NUP210: variants seen among roughly 807,000 people sequenced by gnomAD.
NUP210 encodes the protein nuclear pore membrane glycoprotein 210.
NUP210 carries 151 observed loss-of-function variants against 196.0 expected under a neutral mutation model. The ratio of observed to expected loss-of-function variants is 0.77; its 90% CI spans 0.67 to 0.88. The LOEUF (loss-of-function observed/expected upper bound fraction) is 0.88. Ranked by LOEUF, NUP210 falls within the 40% of genes least tolerant of loss-of-function variation. The pLI, the probability that NUP210 is intolerant of heterozygous loss-of-function variation, is 0.00. For missense variants in NUP210, 2,314 were observed against 2,493.7 expected, an observed-to-expected ratio of 0.93 and a Z score of 1.53; for synonymous variants, 1,070 against 1,052.7, an observed-to-expected ratio of 1.02 and a Z score of -0.32.
chr3:13,373,663 G>T, intron 12 of NUP210, 55 bp downstream of exon 12: 1 of 1,585,828 alleles, frequency 6.3e-7, no homozygotes, highest in Non-Finnish European at 8.7e-7. Context: ...CAGAGGGGGC[G>T]GCTGGAGACC....
chr3:13,371,696 G>A, intron 13 of NUP210, 138 bp downstream of exon 13: 2 of 766,746 alleles, frequency 2.6e-6, no homozygotes, highest in Non-Finnish European at 4.3e-6. Flanking sequence ...TGGATCAGGA[G>A]ACAACTGCCA....
chr3:13,371,750 G>T, intron 13 of NUP210, 84 bp downstream of exon 13: 1 of 1,280,332 alleles, frequency 7.8e-7, no homozygotes, highest in Non-Finnish European at 1.1e-6. Flanking sequence ...CCCTCTCTTT[G>T]GGAATCTGGC....
intron 1 of NUP210, among the ~76,000 whole-genome samples, chr3:13,406,202 G>A (rs1236706396): frequency 6.6e-6 from 1 of 152,162 alleles, no homozygotes; most frequent in Non-Finnish European, 1.5e-5. Context: ...GAGGGGAACC[G>A]AGCCCTGCAA....
At chr3:13,399,592 G>T in intron 2 of NUP210, 133 bp downstream of exon 2, 1 of 1,215,192 alleles carries the variant, frequency 8.2e-7, no homozygotes, top group Non-Finnish European at 1.2e-6. Flanking sequence ...CCTGTCTCCT[G>T]CCTGGGTGTC....
Position 13,321,722 on chromosome 3 carries a change from A to G in NUP210, c.5029T>C (p.Ser1677Pro). 6.2e-7 allele frequency: 1 copy of G among 1,614,116 alleles called. No homozygotes were observed. Among genetic ancestry groups the G allele is most frequent in the Non-Finnish European group, 8.5e-7 (1 of 1,180,022 alleles). Reference protein sequence around the residue: ...VSASLSSSHFSTEQVGAEVPF... With the variant: ...VSASLSSSHFPTEQVGAEVPF... Reference sequence around the variant, plus strand: ...ACCTCGGCCCCCACCTGCTCTGTGGAGAAGTGGCTGCTGGAGAGGGAGGCA... The same window carrying G: ...ACCTCGGCCCCCACCTGCTCTGTGGGGAAGTGGCTGCTGGAGAGGGAGGCA... The change falls in exon 36 of 40, where the codon TCC becomes CCC. Residue 1677 changes from serine (S) to proline (P), a missense_variant. By Grantham distance (74) the Ser-to-Pro change is moderately conservative. Transcript: ENST00000254508.
chr3:13,390,031 T>C (rs1020066382), intron 4 of NUP210, among the ~76,000 whole-genome samples: 2 of 152,102 alleles, frequency 1.3e-5, no homozygotes, highest in African/African-American at 4.8e-5. Context: ...ACAGGACACA[T>C]GCGGCAGGTG....
rs778257791 is a variant in NUP210, at chr3:13,343,190, G to C, written c.2949C>G (p.Ile983Met). The change falls in exon 21 of 40, where the codon ATC becomes ATG. Residue 983 changes from isoleucine to methionine, a missense_variant. Physicochemically the swap from Ile to Met is conservative, Grantham distance 10 (BLOSUM62 1). Coordinates refer to ENST00000254508, the MANE Select transcript of NUP210 (RefSeq NM_024923.4). Reference sequence around the variant, plus strand: ...TTCCACTGACCTTGTCAACCACACGGATGTACAGCTCCTGAATGTCCGACA... The same window carrying C: ...TTCCACTGACCTTGTCAACCACACGCATGTACAGCTCCTGAATGTCCGACA... ...VYVSDIQELY[I>M]RVVDKVEIGK... 6.2e-6 allele frequency: 10 copies of C among 1,614,200 alleles called. No homozygotes were observed. The South Asian group carries it at 1.1e-4, about 18-fold the overall frequency.
At position 13,377,332 on chromosome 3, in the gene NUP210, A is replaced by C. The variant is rs1698946497; in HGVS notation, c.1152+124T>G. On this transcript the variant is annotated intron_variant, in intron 9 of 39. Coordinates refer to ENST00000254508, the MANE Select transcript of NUP210 (RefSeq NM_024923.4). ...CCACAGACCCGGGAGCGCCACTAGA[A>C]ACAGGACCCCTCCTCGGTCAGCCTG... 4.3e-6 allele frequency: 3 copies of C among 698,168 alleles called. No individual in the cohort carries two copies. In the African/African-American group the frequency reaches 5.4e-5, roughly 12 times the overall value. The allele number at this position is 698,168 out of a possible 1,614,324, so 43.2% of individuals were successfully genotyped here.
At chr3:13,338,891 G>A (rs1215858446) in intron 25 of NUP210, among the ~76,000 whole-genome samples, 1 of 152,140 alleles carries the variant, frequency 6.6e-6, no homozygotes, top group African/African-American at 2.4e-5. Context: ...CAAGGAATAC[G>A]CAGGGCCCTG....
At position 13,354,079 on chromosome 3, in the gene NUP210, C is replaced by G. The variant is rs2280084; in HGVS notation, c.2357G>C (p.Arg786Pro). The change falls in exon 17 of 40, where the codon CGG becomes CCG. Residue 786 changes from arginine (R) to proline (P), a missense_variant. Arg to Pro is a moderately radical substitution (Grantham distance 103, BLOSUM62 -2). Coordinates refer to ENST00000254508, the MANE Select transcript of NUP210 (RefSeq NM_024923.4). ...VVPVSSHRNP[R>P]LDLAAYDQEG... Reference sequence around the variant, plus strand: ...CTGGTCGTAAGCAGCCAGGTCCAGCCGGGGGTTGCGGTGGCTGGACACTGG... The same window carrying G: ...CTGGTCGTAAGCAGCCAGGTCCAGCGGGGGGTTGCGGTGGCTGGACACTGG... The G allele has an allele frequency of 3.1e-6, 5 of 1,598,204 alleles. No individual in the cohort carries two copies. The highest frequency in any genetic ancestry group is 4.6e-5 in the East Asian group (2 of 43,946).
intron 21 of NUP210, 46 bp downstream of exon 21, chr3:13,343,129 T>G: frequency 6.2e-7 from 1 of 1,608,734 alleles, no homozygotes; most frequent in Non-Finnish European, 8.5e-7. Flanking sequence ...CCCTCCCAGT[T>G]CCTGCAGGTC....
intron 2 of NUP210, 48 bp from the exon 3 acceptor site, chr3:13,397,536 C>T (rs1265914327): frequency 4.0e-6 from 6 of 1,511,344 alleles, no homozygotes; most frequent in Non-Finnish European, 5.3e-6. Flanking sequence ...GTCCCCGCCC[C>T]TGGCTCCACT....
At chr3:13,395,615 G>C (rs1177906906) in intron 3 of NUP210, among the ~76,000 whole-genome samples, 1 of 152,228 alleles carries the variant, frequency 6.6e-6, no homozygotes, top group Non-Finnish European at 1.5e-5. Flanking sequence ...ACTGCGCCCA[G>C]CCTGTATTTC....
Position 13,322,240 on chromosome 3 carries a change from G to A in NUP210, c.4868C>T (p.Pro1623Leu). The change falls in exon 35 of 40, where the codon CCA becomes CTA. Residue 1623 changes from proline to leucine, a missense_variant. Pro to Leu is a moderately conservative substitution (Grantham distance 98). Transcript: ENST00000254508. Reference sequence around the variant, plus strand: ...CTCCACGGTGAACACATCTTGAGATGGGAAATCAAAGACGGCCGGCTTGAA... The same window carrying A: ...CTCCACGGTGAACACATCTTGAGATAGGAAATCAAAGACGGCCGGCTTGAA... The part of the protein sequence containing the change: ...SQFKPAVFDF[P>L]SQDVFTVEPQ... 1 of 1,614,218 alleles carries A rather than the reference G, an allele frequency of 6.2e-7. No individual in the cohort carries two copies. Among genetic ancestry groups the A allele is most frequent in the Non-Finnish European group, 8.5e-7 (1 of 1,180,040 alleles).
chr3:13,359,235 C>T (rs752836154), intron 15 of NUP210, among the ~76,000 whole-genome samples: 17 of 152,182 alleles, frequency 1.1e-4, no homozygotes, highest in Non-Finnish European at 2.4e-4. Context: ...GAGGTAACCC[C>T]AATTGGAGGT....
intron 1 of NUP210, among the ~76,000 whole-genome samples, chr3:13,400,632 C>T (rs1192829151): frequency 6.6e-6 from 1 of 152,218 alleles, no homozygotes; most frequent in African/African-American, 2.4e-5. Context: ...ACTGAGCGTG[C>T]CCAGCTAGCA....
intron 2 of NUP210, among the ~76,000 whole-genome samples, chr3:13,398,903 C>G (rs976937728): frequency 1.3e-5 from 2 of 152,150 alleles, no homozygotes; most frequent in Non-Finnish European, 2.9e-5. Context: ...CACTGCATTT[C>G]AGCCTGGGTG....
chr3:13,319,747 T>C lies in NUP210; in HGVS notation c.5383+16A>G. Reference sequence around the variant, plus strand: ...CCATCCTGGTCTGTCCCAGATGATGTCGTTCCGTGACTCACAAGGACCGGG... The same window carrying C: ...CCATCCTGGTCTGTCCCAGATGATGCCGTTCCGTGACTCACAAGGACCGGG... On this transcript the variant is annotated intron_variant, in intron 37 of 39. Transcript: ENST00000254508. The C allele has an allele frequency of 6.2e-7, 1 of 1,611,002 alleles. No homozygotes were observed. The highest frequency in any genetic ancestry group is 8.5e-7 in the Non-Finnish European group (1 of 1,177,276).
chr3:13,396,320 CAG>C (rs1435531744), intron 3 of NUP210, among the ~76,000 whole-genome samples: 1 of 151,984 alleles, frequency 6.6e-6, no homozygotes, highest in East Asian at 1.9e-4. Flanking sequence ...TTTTCAAAAA[CAG>C]GAGCTAGAGT....
Sources: gnomAD v4.1 joint callset for allele counts (sites outside exome capture counted in the v4.1 genomes callset) on GRCh38, gnomAD v4.1.1 for gene constraint, MANE v1.5 for transcripts, NCBI Gene and HGNC (gene_info 2026-07-23, HGNC 2026-07-21) for gene names.